CACNA1I: variants seen among roughly 807,000 people sequenced by gnomAD.
CACNA1I encodes the protein voltage-dependent T-type calcium channel subunit alpha-1I.
A neutral mutation model predicts 201.6 loss-of-function variants in CACNA1I; 74 were observed. That is an observed-to-expected ratio of 0.37 (90% CI 0.30 to 0.45). The LOEUF (loss-of-function observed/expected upper bound fraction) is 0.45, where lower values mean the gene tolerates loss of function less well. CACNA1I is among the 20% of genes least tolerant of loss of function. CACNA1I has a pLI of 1.00. For synonymous variants in CACNA1I, 1,431 were observed against 1,345.2 expected, an observed-to-expected ratio of 1.06 and a Z score of -1.40; for missense variants, 2,346 against 3,138.1, an observed-to-expected ratio of 0.75 and a Z score of 6.03.
chr22:39,684,076 GC>G lies in CACNA1I; in HGVS notation c.5831-221del, dbSNP rs1220622475. Reference sequence around the variant, plus strand: ...TCCAAAAGCTGTGTCTTTGCCCAGGGCCCCCGCCCCCTGGAATCAAAAGGGC... The same window carrying G: ...TCCAAAAGCTGTGTCTTTGCCCAGGGCCCCGCCCCCTGGAATCAAAAGGGC... On this transcript the variant is annotated intron_variant, in intron 35 of 36. Coordinates refer to ENST00000402142, the MANE Select transcript of CACNA1I (RefSeq NM_021096.4). The surrounding 1 kb of genome is among the most constrained non-coding windows in gnomAD (Gnocchi z 4.6). Among the ~76,000 whole-genome samples, 2 of 152,054 alleles carry G rather than the reference GC, an allele frequency of 1.3e-5. No individual in the cohort carries two copies. Among genetic ancestry groups the G allele is most frequent in the African/African-American group, 4.8e-5 (2 of 41,400 alleles).
chr22:39,598,586 G>C (rs917632726), intron 2 of CACNA1I, among the ~76,000 whole-genome samples: 6 of 151,482 alleles, frequency 4.0e-5, no homozygotes, highest in Non-Finnish European at 8.8e-5. Context: ...TCCTACCCGG[G>C]TGCCCCCACC....
chr22:39,610,864 A>G (rs1933367664), intron 3 of CACNA1I, among the ~76,000 whole-genome samples: 1 of 152,058 alleles, frequency 6.6e-6, no homozygotes, highest in Admixed American at 6.5e-5. Flanking sequence ...CTTTCCTAGC[A>G]GTTCCAATCA....
At chr22:39,673,444 A>G (rs5750871) in intron 28 of CACNA1I, among the ~76,000 whole-genome samples, 24,093 of 152,182 alleles carry the variant, frequency 0.16, 4,079 homozygotes, top group East Asian at 0.8. Flanking sequence ...CCTCGCTGGC[A>G]TTTCTCAAAC....
chr22:39,638,746 A>G (rs908715459), intron 5 of CACNA1I, among the ~76,000 whole-genome samples: 2 of 152,096 alleles, frequency 1.3e-5, no homozygotes, highest in African/African-American at 2.4e-5. Flanking sequence ...GCAGTCCCCA[A>G]CCTTTTTGGC....
intron 34 of CACNA1I, 128 bp from the exon 35 acceptor site, chr22:39,682,368 A>G (rs1935730531): frequency 1.4e-6 from 1 of 713,406 alleles, no homozygotes; most frequent in Non-Finnish European, 2.3e-6. Context: ...AGAGGAGGTG[A>G]GAGGAAGGTC....
chr22:39,626,052 C>T (rs1933891423), intron 4 of CACNA1I, among the ~76,000 whole-genome samples: 1 of 152,188 alleles, frequency 6.6e-6, no homozygotes, highest in African/African-American at 2.4e-5. Context: ...AGCCCTGAGC[C>T]CGAGCTCACA....
rs774515202 is a variant in CACNA1I at position 39,676,276 on chromosome 22, T to C, written c.4855-1065T>C. On this transcript the variant is annotated intron_variant, in intron 29 of 36. Transcript: ENST00000402142. This position sits in a 1 kb window ranked among gnomAD's most constrained non-coding sequence, Gnocchi z 4.8. Reference sequence around the variant, plus strand: ...AGGGCCTTACAGTTGGCCTCACGGGTGCTCAGTAAGTGCTTGTTTTATTAA... The same window carrying C: ...AGGGCCTTACAGTTGGCCTCACGGGCGCTCAGTAAGTGCTTGTTTTATTAA... Among the ~76,000 whole-genome samples the C allele has an allele frequency of 5.9e-5, 9 of 152,184 alleles. No individual in the cohort carries two copies. Among genetic ancestry groups the C allele is most frequent in the Non-Finnish European group, 1.2e-4 (8 of 68,040 alleles).
intron 1 of CACNA1I, among the ~76,000 whole-genome samples, chr22:39,584,297 C>G (rs948243579): frequency 5.3e-5 from 8 of 152,082 alleles, no homozygotes; most frequent in African/African-American, 1.7e-4. Flanking sequence ...GTCTGGAAAA[C>G]TTCCAGGACT....
At position 39,630,130 on chromosome 22, in the gene CACNA1I, G is replaced by A. The variant is rs529386002; in HGVS notation, c.581-4435G>A. ...ACTTGAGGGCTGTCCCCCAGACAGC[G>A]ACAGCCCCTCAGCTGACTCTGCCAC... On this transcript the variant is annotated intron_variant, in intron 4 of 36. Transcript: ENST00000402142. Among the ~76,000 whole-genome samples, 6 of 152,082 alleles carry A rather than the reference G, an allele frequency of 3.9e-5. No homozygotes were observed. In the South Asian group the frequency reaches 6.2e-4, roughly 16 times the overall value.
intron 10 of CACNA1I, 100 bp from the exon 11 acceptor site, chr22:39,658,052 G>T: frequency 7.8e-7 from 1 of 1,288,498 alleles, no homozygotes; most frequent in South Asian, 1.3e-5. Flanking sequence ...TGAGGACACC[G>T]ACCTGCCAGG....
intron 3 of CACNA1I, among the ~76,000 whole-genome samples, chr22:39,606,486 A>G (rs1933223484): frequency 6.6e-6 from 1 of 152,206 alleles, no homozygotes; most frequent in South Asian, 2.1e-4. Context: ...TGTGTGACAA[A>G]GACCCCGTCA....
In CACNA1I at chr22:39,684,674, C is replaced by A. The variant is rs1197485714; in HGVS notation, c.6027+176C>A. ...ACGCTGAGACTGGAGGGGGAGGTGGCACTGGGGCGGATGGAGTGGGCGGGG... is the reference window on the plus strand; with the variant it reads ...ACGCTGAGACTGGAGGGGGAGGTGGAACTGGGGCGGATGGAGTGGGCGGGG... On this transcript the variant is annotated intron_variant, in intron 36 of 36. Transcript: ENST00000402142. This position sits in a 1 kb window ranked among gnomAD's most constrained non-coding sequence, Gnocchi z 4.6. The A allele has an allele frequency of 7.4e-6, 5 of 678,376 alleles. No individual in the cohort carries two copies. The highest frequency in any genetic ancestry group is 1.3e-5 in the Non-Finnish European group (5 of 395,812). 42.0% of individuals were successfully genotyped at this position (678,376 alleles called of 1,614,324 possible).
At chr22:39,639,655 G>A (rs1934304553) in intron 5 of CACNA1I, among the ~76,000 whole-genome samples, 1 of 152,132 alleles carries the variant, frequency 6.6e-6, no homozygotes, top group East Asian at 1.9e-4. Context: ...TTTGTGTATG[G>A]TGTGAGGTTG....
At position 39,662,915 on chromosome 22, in the gene CACNA1I, G is replaced by C. The variant is rs1269865807; in HGVS notation, c.3473+39G>C. The C allele has an allele frequency of 3.8e-6, 5 of 1,313,848 alleles. No homozygotes were observed. The East Asian group carries it at 9.9e-5, about 26-fold the overall frequency. 81.4% of individuals were successfully genotyped at this position (1,313,848 alleles called of 1,614,324 possible). ...GGCCTGGGGTGAGGGTTAGAGTAGG[G>C]GTAACGTGGGAGGGACGGATCTCTG... On this transcript the variant is annotated intron_variant, in intron 18 of 36. Transcript: ENST00000402142.
At chr22:39,661,555 G>A (rs1935013936) in intron 16 of CACNA1I, among the ~76,000 whole-genome samples, 1 of 152,234 alleles carries the variant, frequency 6.6e-6, no homozygotes, top group Non-Finnish European at 1.5e-5. Flanking sequence ...CAGCAACAAT[G>A]TGTAGGGTAA....
Position 39,664,879 on chromosome 22 carries a change from G to T in CACNA1I, c.3807G>T (p.Gly1269=). ...LASAGGAKIL[G]VLRVLRLLRT... is the part of the protein sequence containing the mutation. ...CAGCCGGGGGAGCCAAGATCTTGGG[G>T]GTCCTCCGAGTCTTGCGGCTCCTGC... is the stretch of plus-strand genomic sequence containing the variant. The change falls in exon 21 of 37, where the codon GGG becomes GGT. Residue 1269 remains glycine (G), a synonymous_variant. Coordinates refer to ENST00000402142, the MANE Select transcript of CACNA1I (RefSeq NM_021096.4). The T allele has an allele frequency of 1.2e-6, 2 of 1,613,028 alleles. No homozygotes were observed. Among genetic ancestry groups the T allele is most frequent in the Non-Finnish European group, 8.5e-7 (1 of 1,179,846 alleles).
At chr22:39,655,254 G>C (rs910809469) in intron 10 of CACNA1I, among the ~76,000 whole-genome samples, 2 of 95,448 alleles carry the variant, frequency 2.1e-5, no homozygotes, top group Admixed American at 1.2e-4. Flanking sequence ...TGCTGGGCTG[G>C]AGGGCTTCCC....
chr22:39,628,037 C>T (rs1933948043), intron 4 of CACNA1I, among the ~76,000 whole-genome samples: 1 of 152,102 alleles, frequency 6.6e-6, no homozygotes, highest in African/African-American at 2.4e-5. Context: ...GGGAGAAGTG[C>T]TTGGGGGTGG....
rs973385286 is a variant in CACNA1I, at chr22:39,684,650, C to T, written c.6027+152C>T. 1.6e-5 allele frequency: 12 copies of T among 752,470 alleles called. No individual in the cohort carries two copies. Among genetic ancestry groups the T allele is most frequent in the Middle Eastern group, 3.7e-4 (1 of 2,672 alleles). 46.6% of individuals were successfully genotyped at this position (752,470 alleles called of 1,614,324 possible). A position where few individuals can be genotyped will look rare whatever the true frequency, so the allele number is the denominator to read the frequency against. On this transcript the variant is annotated intron_variant, in intron 36 of 36. Transcript: ENST00000402142. The surrounding 1 kb of genome is among the most constrained non-coding windows in gnomAD (Gnocchi z 4.6). The stretch of plus-strand genomic sequence containing the variant: ...AGGGGGTTTGGGAACGCTGGGGTGA[C>T]GCTGAGACTGGAGGGGGAGGTGGCA...
Sources: gnomAD v4.1 joint callset for allele counts (sites outside exome capture counted in the v4.1 genomes callset) on GRCh38, gnomAD v4.1.1 for gene constraint, Gnocchi (gnomAD v3.1) non-coding constraint, MANE v1.5 for transcripts, NCBI Gene and HGNC (gene_info 2026-07-23, HGNC 2026-07-21) for gene names.